Variants in MAP2 observed in about 807,000 individuals in gnomAD.
The protein encoded by MAP2 is microtubule associated protein 2.
MAP2 carries 14 observed loss-of-function variants against 137.6 expected under a neutral mutation model. That is an observed-to-expected ratio of 0.10 (90% CI 0.07 to 0.16). MAP2 has a LOEUF of 0.16. Ranked by LOEUF, MAP2 falls within the 10% of genes least tolerant of loss-of-function variation. The pLI is 1.00. For missense variants in MAP2, 2,088 were observed against 2,191.5 expected (o/e 0.95, Z 0.94); for synonymous variants, 786 against 782.3 (o/e 1.00, Z -0.08).
intron 4 of MAP2, among the ~76,000 whole-genome samples, chr2:209,625,671 ATGT>A (rs1414661047): frequency 6.6e-6 from 1 of 152,116 alleles, no homozygotes; most frequent in Non-Finnish European, 1.5e-5. Context: ...GAGTAGTTTC[ATGT>A]TGTGGTAGAA....
rs2060075745 is a variant in MAP2, at chr2:209,695,969, G to A, written c.3799G>A (p.Glu1267Lys). Reference protein sequence around the residue: ...ITDLGVSGAREEFVETCPSEH... With the variant: ...ITDLGVSGARKEFVETCPSEH... ...TGACCTGGGTGTCTCAGGTGCCAGG[G>A]AGGAATTTGTGGAGACCTGCCCAAG... The change falls in exon 8 of 16, where the codon GAG becomes AAG. Residue 1267 changes from glutamate (E) to lysine (K), a missense_variant. By Grantham distance (56) the Glu-to-Lys change is moderately conservative (BLOSUM62 1). Around this residue, in one of 6 missense-constraint regions of MAP2, gnomAD observed 591 missense variants for 642.6 expected, o/e 0.92. Transcript: ENST00000682079. 6.2e-7 allele frequency: 1 copy of A among 1,614,124 alleles called. No individual in the cohort carries two copies. The highest frequency in any genetic ancestry group is 2.2e-5 in the East Asian group (1 of 44,870).
intron 7 of MAP2, among the ~76,000 whole-genome samples, chr2:209,691,775 G>A (rs1011399210): frequency 6.6e-6 from 1 of 152,138 alleles, no homozygotes. Flanking sequence ...TCATGACCAT[G>A]GGAATAAAGT....
chr2:209,447,555 A>G (rs1274878672), intron 1 of MAP2, among the ~76,000 whole-genome samples: 1 of 152,064 alleles, frequency 6.6e-6, no homozygotes, highest in East Asian at 1.9e-4. Flanking sequence ...CCAGCAAAAG[A>G]AACGATAGCA....
chr2:209,473,373 A>G (rs1299663496), intron 1 of MAP2, among the ~76,000 whole-genome samples: 1 of 152,118 alleles, frequency 6.6e-6, no homozygotes, highest in Non-Finnish European at 1.5e-5. Context: ...TCTTCTTAGT[A>G]TTTTAATATA....
chr2:209,463,375 G>A (rs1703340040), intron 1 of MAP2, among the ~76,000 whole-genome samples: 1 of 152,116 alleles, frequency 6.6e-6, no homozygotes, highest in Admixed American at 6.5e-5. Context: ...TTCCTTTGGA[G>A]AAGTGTCCCT....
intron 1 of MAP2, among the ~76,000 whole-genome samples, chr2:209,431,797 G>A (rs949129463): frequency 6.6e-6 from 1 of 152,134 alleles, no homozygotes; most frequent in African/African-American, 2.4e-5. Flanking sequence ...GCCCAACTTC[G>A]TGACTCAACT....
intron 1 of MAP2, among the ~76,000 whole-genome samples, chr2:209,449,883 G>T (rs922125567): frequency 6.6e-6 from 1 of 151,966 alleles, no homozygotes; most frequent in Non-Finnish European, 1.5e-5. Flanking sequence ...TCTTCCATTT[G>T]TTCTTTATGC....
Position 209,730,300 on chromosome 2 carries a change from A to G in MAP2, c.5387A>G (p.Asn1796Ser). ...SSVASPRRLSNVSSSGSINLL... is the reference protein window; with the variant it reads ...SSVASPRRLSSVSSSGSINLL... ...GTGGCATCACCCCGACGACTCAGCAATGTCTCCTCGTCTGGAAGCATCAAC... is the reference window on the plus strand; with the variant it reads ...GTGGCATCACCCCGACGACTCAGCAGTGTCTCCTCGTCTGGAAGCATCAAC... The change falls in exon 16 of 16, where the codon AAT becomes AGT. Residue 1796 changes from asparagine (N) to serine (S), a missense_variant. This residue lies in a region of MAP2 where 112 missense variants were observed against 201.0 expected (regional missense o/e 0.56). Transcript: ENST00000682079. 1 of 1,614,120 alleles carries G rather than the reference A, an allele frequency of 6.2e-7. No individual in the cohort carries two copies. The highest frequency in any genetic ancestry group is 8.5e-7 in the Non-Finnish European group (1 of 1,179,998).
chr2:209,688,407 T>A (rs2057806539), intron 7 of MAP2, among the ~76,000 whole-genome samples: 1 of 152,306 alleles, frequency 6.6e-6, no homozygotes, highest in Admixed American at 6.5e-5. Context: ...TAAATAGCAT[T>A]AGCTTTCTTT....
intron 3 of MAP2, among the ~76,000 whole-genome samples, chr2:209,588,769 T>C (rs147514751): frequency 1.3e-5 from 2 of 152,104 alleles, no homozygotes; most frequent in East Asian, 3.9e-4. Flanking sequence ...TCAGGAAAAT[T>C]TGTGATATTT....
intron 7 of MAP2, among the ~76,000 whole-genome samples, chr2:209,686,209 C>T (rs1313736585): frequency 6.6e-6 from 1 of 152,180 alleles, no homozygotes; most frequent in Admixed American, 6.5e-5. Flanking sequence ...TTATTTTAGG[C>T]TTCTGCTATC....
At chr2:209,453,292 T>C (rs1169802538) in intron 1 of MAP2, among the ~76,000 whole-genome samples, 2 of 152,196 alleles carry the variant, frequency 1.3e-5, no homozygotes, top group Admixed American at 1.3e-4. Flanking sequence ...GTATTTTCTT[T>C]GTTTAAGAAA....
chr2:209,599,328 A>G (rs573357274), intron 3 of MAP2, among the ~76,000 whole-genome samples: 3 of 151,592 alleles, frequency 2.0e-5, no homozygotes, highest in Non-Finnish European at 4.4e-5. Context: ...GTTTGAGTTC[A>G]TTGTAGATTC....
chr2:209,553,408 C>T (rs780491359), intron 2 of MAP2, among the ~76,000 whole-genome samples: 10 of 152,236 alleles, frequency 6.6e-5, no homozygotes, highest in African/African-American at 1.9e-4. Flanking sequence ...GGTTCATAAA[C>T]CAGATGCTTG....
chr2:209,690,583 A>G (rs1156471297), intron 7 of MAP2: 4 of 1,268,204 alleles, frequency 3.2e-6, no homozygotes, highest in Admixed American at 5.1e-5. Flanking sequence ...CATGATGTCA[A>G]CATCTTTTTC....
chr2:209,670,812 A>G (rs1357203365), intron 5 of MAP2, among the ~76,000 whole-genome samples: 1 of 151,904 alleles, frequency 6.6e-6, no homozygotes, highest in Non-Finnish European at 1.5e-5. Context: ...TGTGGCCACT[A>G]CTAGTAAATC....
chr2:209,634,189 C>T (rs1356820759), intron 4 of MAP2, among the ~76,000 whole-genome samples: 1 of 152,180 alleles, frequency 6.6e-6, no homozygotes, highest in Non-Finnish European at 1.5e-5. Flanking sequence ...TCAAGATTTG[C>T]TGTGCAGGCA....
At chr2:209,526,188 C>CT (rs149684562) in intron 2 of MAP2, among the ~76,000 whole-genome samples, 1 of 152,076 alleles carries the variant, frequency 6.6e-6, no homozygotes, top group South Asian at 2.1e-4. Flanking sequence ...GCAATGCCTA[C>CT]TTTTTTCATA....
At chr2:209,467,643 T>C (rs1704485653) in intron 1 of MAP2, among the ~76,000 whole-genome samples, 1 of 152,228 alleles carries the variant, frequency 6.6e-6, no homozygotes, top group Non-Finnish European at 1.5e-5. Flanking sequence ...CTAAAGTATT[T>C]TATTTCTCTG....
Sources: allele counts gnomAD v4.1 joint callset (sites outside exome capture counted in the v4.1 genomes callset), GRCh38; gene constraint gnomAD v4.1.1; regional missense constraint gnomAD v4.1.1; transcripts MANE v1.5; gene names NCBI Gene and HGNC (gene_info 2026-07-23, HGNC 2026-07-21).